Variants in LDB2 observed in about 807,000 individuals in gnomAD.
The protein encoded by LDB2 is LIM domain-binding protein 2.
A neutral mutation model predicts 44.3 loss-of-function variants in LDB2; 12 were observed. The ratio of observed to expected loss-of-function variants is 0.27; its 90% CI spans 0.17 to 0.44. The LOEUF (loss-of-function observed/expected upper bound fraction) is 0.44. LDB2 is among the 20% of genes least tolerant of loss of function. LDB2 has a pLI of 1.00. For synonymous variants in LDB2, 164 were observed against 174.8 expected, an observed-to-expected ratio of 0.94 and a Z score of 0.49; for missense variants, 344 against 473.5, an observed-to-expected ratio of 0.73 and a Z score of 2.54.
chr4:16,790,895 TAG>T (rs973268186), intron 1 of LDB2, among the ~76,000 whole-genome samples: 9 of 112,106 alleles, frequency 8.0e-5, no homozygotes, highest in African/African-American at 2.5e-4. Flanking sequence ...GTATCCTGAG[TAG>T]AGACTTCAGT....
chr4:16,837,632 C>T (rs760211136), intron 1 of LDB2, among the ~76,000 whole-genome samples: 1 of 152,226 alleles, frequency 6.6e-6, no homozygotes, highest in Non-Finnish European at 1.5e-5. Context: ...CATAGCCCAA[C>T]CAACACCCAA....
chr4:16,618,453 G>A (rs924666046), intron 2 of LDB2, among the ~76,000 whole-genome samples: 4 of 152,144 alleles, frequency 2.6e-5, no homozygotes, highest in African/African-American at 4.8e-5. Context: ...GTGATGCCTT[G>A]TATATATGTA....
At chr4:16,752,361 C>A in intron 2 of LDB2, 1 of 442,888 alleles carries the variant, frequency 2.3e-6, no homozygotes, top group Non-Finnish European at 4.5e-6. Context: ...CTCTGTTGGA[C>A]AGATGTGGTA....
chr4:16,579,037 T>C (rs1713108150), intron 5 of LDB2, among the ~76,000 whole-genome samples: 1 of 152,048 alleles, frequency 6.6e-6, no homozygotes, highest in Non-Finnish European at 1.5e-5. Flanking sequence ...TCACCACAGA[T>C]TGGGAAGGGT....
intron 5 of LDB2, among the ~76,000 whole-genome samples, chr4:16,536,216 A>C (rs1439757302): frequency 6.6e-6 from 1 of 152,208 alleles, no homozygotes; most frequent in Admixed American, 6.5e-5. Context: ...TCATTTGTGT[A>C]GGAGCAGATA....
chr4:16,853,338 T>G (rs944099375), intron 1 of LDB2, among the ~76,000 whole-genome samples: 3 of 152,118 alleles, frequency 2.0e-5, no homozygotes, highest in African/African-American at 7.2e-5. Context: ...GAATAGACAT[T>G]TTTCTAAAAG....
intron 5 of LDB2, among the ~76,000 whole-genome samples, chr4:16,572,462 T>A (rs1746907857): frequency 1.3e-5 from 2 of 152,354 alleles, no homozygotes; most frequent in African/African-American, 4.8e-5. Flanking sequence ...GCCCTATTTG[T>A]ACACTTAAGG....
chr4:16,527,422 A>T (rs1728624035), intron 5 of LDB2, among the ~76,000 whole-genome samples: 1 of 152,194 alleles, frequency 6.6e-6, no homozygotes, highest in Admixed American at 6.5e-5. Flanking sequence ...AAAAAATAAA[A>T]AAAAAATAGA....
intron 2 of LDB2, among the ~76,000 whole-genome samples, chr4:16,600,112 ACAGT>A (rs201558675): frequency 0.018 from 2,701 of 152,268 alleles, 36 homozygotes; most frequent in South Asian, 0.046. Context: ...ACTGCATTGC[ACAGT>A]CAGATATAAA....
intron 2 of LDB2, among the ~76,000 whole-genome samples, chr4:16,618,507 TTGTG>T (rs1727998102): frequency 6.6e-6 from 1 of 152,328 alleles, no homozygotes; most frequent in Middle Eastern, 3.4e-3. Flanking sequence ...GCATGTGTGT[TTGTG>T]TATGTGTGTA....
intron 1 of LDB2, among the ~76,000 whole-genome samples, chr4:16,782,321 A>G (rs1773444354): frequency 6.6e-6 from 1 of 151,864 alleles, no homozygotes; most frequent in Non-Finnish European, 1.5e-5. Flanking sequence ...CGCTCAACAA[A>G]TGTTGAAAGA....
chr4:16,740,380 G>A (rs1314454328), intron 2 of LDB2, among the ~76,000 whole-genome samples: 3 of 152,230 alleles, frequency 2.0e-5, no homozygotes, highest in African/African-American at 7.2e-5. Context: ...GAGGTTTATA[G>A]GTGTCTATCA....
At chr4:16,808,697 C>T (rs914791880) in intron 1 of LDB2, among the ~76,000 whole-genome samples, 5 of 152,132 alleles carry the variant, frequency 3.3e-5, no homozygotes, top group African/African-American at 4.8e-5. Context: ...ACCAGAAACA[C>T]TAGTGACAGA....
At chr4:16,607,133 A>G (rs955494460) in intron 2 of LDB2, among the ~76,000 whole-genome samples, 1 of 152,220 alleles carries the variant, frequency 6.6e-6, no homozygotes, top group Non-Finnish European at 1.5e-5. Context: ...ATGACCCTTG[A>G]AAGGGGATTT....
intron 1 of LDB2, among the ~76,000 whole-genome samples, chr4:16,783,196 T>TG (rs1333983545): frequency 6.6e-6 from 1 of 152,208 alleles, no homozygotes; most frequent in Admixed American, 6.5e-5. Flanking sequence ...TATGGGATGA[T>TG]GTCAGCAGGA....
At chr4:16,615,633 G>C (rs1727082543) in intron 2 of LDB2, among the ~76,000 whole-genome samples, 1 of 152,026 alleles carries the variant, frequency 6.6e-6, no homozygotes, top group South Asian at 2.1e-4. Flanking sequence ...AGGGAACTTA[G>C]AGGATGGATC....
At chr4:16,856,052 T>C (rs1281946230) in intron 1 of LDB2, among the ~76,000 whole-genome samples, 1 of 152,178 alleles carries the variant, frequency 6.6e-6, no homozygotes, top group Non-Finnish European at 1.5e-5. Context: ...AGAGTATTCC[T>C]TTCTTTTCCA....
Position 16,502,682 on chromosome 4 carries a change from C to T in LDB2, c.1083G>A (p.Glu361=). The change falls in exon 8 of 8, where the codon GAG becomes GAA. Residue 361 remains glutamate, a synonymous_variant. Transcript: ENST00000304523. ...GGGGTGGGGGGTTTTCTGATTTGGT[C>T]TCTTGAGTGGCGGGAGGTTTACTGT... The part of the protein sequence containing the change: ...PWNSKPPATQ[E]TKSENPPPQA... 6.2e-7 allele frequency: 1 copy of T among 1,614,032 alleles called. No individual in the cohort carries two copies. The highest frequency in any genetic ancestry group is 2.2e-5 in the East Asian group (1 of 44,872).
chr4:16,525,553 G>A (rs1050299829), intron 5 of LDB2, among the ~76,000 whole-genome samples: 18 of 152,078 alleles, frequency 1.2e-4, no homozygotes, highest in African/African-American at 4.1e-4. Flanking sequence ...CAGAGGTTGT[G>A]GTTCAATTAT....
Sources: gnomAD v4.1 joint callset for allele counts (sites outside exome capture counted in the v4.1 genomes callset) on GRCh38, gnomAD v4.1.1 for gene constraint, MANE v1.5 for transcripts, NCBI Gene and HGNC (gene_info 2026-07-23, HGNC 2026-07-21) for gene names.